ZFAND4: variants seen among roughly 807,000 people sequenced by gnomAD.
ZFAND4 encodes the protein zinc finger AN1-type containing 4.
ZFAND4 carries 43 observed loss-of-function variants against 64.4 expected under a neutral mutation model. The observed-to-expected ratio is 0.67, with a 90% CI of 0.52 to 0.86. ZFAND4 has a LOEUF of 0.86. Ranked by LOEUF, ZFAND4 falls within the 40% of genes least tolerant of loss-of-function variation. The pLI, the probability that ZFAND4 is intolerant of heterozygous loss-of-function variation, is 0.00. For missense variants in ZFAND4, 929 were observed against 859.8 expected (o/e 1.08, Z -1.01); for synonymous variants, 296 against 305.7 (o/e 0.97, Z 0.33).
intron 5 of ZFAND4, among the ~76,000 whole-genome samples, chr10:45,643,094 A>T (rs988847284): frequency 1.3e-5 from 2 of 149,352 alleles, no homozygotes; most frequent in African/African-American, 4.9e-5. Flanking sequence ...CTAATTTTGC[A>T]TTTTTAGTAG....
intron 8 of ZFAND4, among the ~76,000 whole-genome samples, chr10:45,621,839 T>TA (rs925418464): frequency 5.9e-5 from 9 of 152,002 alleles, no homozygotes; most frequent in African/African-American, 1.2e-4. Context: ...GAATTTTTTT[T>TA]AAAAAAAACT....
chr10:45,625,245 G>T (rs1178983327), intron 7 of ZFAND4, among the ~76,000 whole-genome samples: 1 of 151,182 alleles, frequency 6.6e-6, no homozygotes, highest in Non-Finnish European at 1.5e-5. Context: ...GGCCCAGGCG[G>T]GTGGATCACG....
intron 6 of ZFAND4, among the ~76,000 whole-genome samples, chr10:45,633,688 C>T (rs1649055542): frequency 6.6e-6 from 1 of 150,692 alleles, no homozygotes; most frequent in African/African-American, 2.4e-5. Flanking sequence ...TACAAATTAA[C>T]ATTATGTGCC....
At chr10:45,640,188 G>T in intron 5 of ZFAND4, 1 of 1,251,546 alleles carries the variant, frequency 8.0e-7, no homozygotes, top group Non-Finnish European at 1.0e-6. Context: ...ATCTAGTATA[G>T]CTGAGCTTCT....
chr10:45,630,874 G>C (rs1408967130), intron 6 of ZFAND4, among the ~76,000 whole-genome samples: 1 of 151,604 alleles, frequency 6.6e-6, no homozygotes, highest in Middle Eastern at 3.2e-3. Flanking sequence ...GCTGAGGCAG[G>C]AAGGTCACTT....
At chr10:45,643,030 CCTGCCTCAGCCTCCCTAGTAG>C (rs2133726777) in intron 5 of ZFAND4, among the ~76,000 whole-genome samples, 1 of 149,818 alleles carries the variant, frequency 6.7e-6, no homozygotes, top group Admixed American at 6.7e-5. Flanking sequence ...CGCCCTTTCT[CCTGCCTCAGCCTCCCTAGTAG>C]CTGGGATTAC....
intron 2 of ZFAND4, among the ~76,000 whole-genome samples, chr10:45,656,811 A>G (rs1356796360): frequency 6.6e-6 from 1 of 152,084 alleles, no homozygotes; most frequent in Non-Finnish European, 1.5e-5. Context: ...TAGTGTCCTT[A>G]GAAGAGAGAT....
chr10:45,631,425 T>C (rs765126433), intron 6 of ZFAND4, among the ~76,000 whole-genome samples: 5 of 150,482 alleles, frequency 3.3e-5, no homozygotes, highest in Admixed American at 6.6e-5. Context: ...AAGACTTGAA[T>C]CTTTATGTTA....
intron 6 of ZFAND4, among the ~76,000 whole-genome samples, chr10:45,635,880 T>A (rs901235543): frequency 6.6e-6 from 1 of 152,202 alleles, no homozygotes; most frequent in Non-Finnish European, 1.5e-5. Flanking sequence ...TTATGACATA[T>A]GTATTTTACC....
chr10:45,631,926 G>A (rs2046250609), intron 6 of ZFAND4, among the ~76,000 whole-genome samples: 1 of 152,162 alleles, frequency 6.6e-6, no homozygotes, highest in African/African-American at 2.4e-5. Flanking sequence ...AAAATGTTAA[G>A]TCTAAAGAAA....
intron 2 of ZFAND4, among the ~76,000 whole-genome samples, chr10:45,658,463 T>C (rs956149585): frequency 5.3e-5 from 8 of 152,246 alleles, no homozygotes; most frequent in African/African-American, 1.9e-4. Flanking sequence ...CAGTTTGTGA[T>C]ACTTTGCTAT....
At chr10:45,654,103 G>C (rs764331996) in intron 2 of ZFAND4, among the ~76,000 whole-genome samples, 1 of 152,146 alleles carries the variant, frequency 6.6e-6, no homozygotes, top group Non-Finnish European at 1.5e-5. Context: ...TCACTTATAA[G>C]CAGGAGCTAA....
chr10:45,665,449 G>C (rs922039707), intron 1 of ZFAND4, among the ~76,000 whole-genome samples: 1 of 152,102 alleles, frequency 6.6e-6, no homozygotes, highest in African/African-American at 2.4e-5. Context: ...GCTGAGGCAG[G>C]AGAACCGCTT....
At position 45,627,653 on chromosome 10, in the gene ZFAND4, C is replaced by T. The variant is rs78737694; in HGVS notation, c.718-548G>A. On this transcript the variant is annotated intron_variant, in intron 6 of 9. Transcript: ENST00000344646. ...GTCGTTCATTGTGCCAAACTATTTA[C>T]GCAATAATACAGTTCATGATGAACA... 3.8e-3 allele frequency among the ~76,000 whole-genome samples: 576 copies of T among 152,162 alleles called. 12 individuals are homozygous for T. The East Asian group carries it at 0.052, about 14-fold the overall frequency.
intron 6 of ZFAND4, 45 bp from the exon 7 acceptor site, chr10:45,627,150 T>G: frequency 6.8e-7 from 1 of 1,467,230 alleles, no homozygotes; most frequent in Non-Finnish European, 9.1e-7. Flanking sequence ...TCGTTTTCTC[T>G]GCCCATTAAC....
In ZFAND4 at chr10:45,631,893, A is replaced by AT. The variant is rs1304410688; in HGVS notation, c.718-4789dup. ...AGAAGAAAAACCTACAATTAATATCATACATAATGGTAAAAACAAATAAAA... is the reference window on the plus strand; with the variant it reads ...AGAAGAAAAACCTACAATTAATATCATTACATAATGGTAAAAACAAATAAAA... On this transcript the variant is annotated intron_variant, in intron 6 of 9. Coordinates refer to ENST00000344646, the MANE Select transcript of ZFAND4 (RefSeq NM_174890.4). 7.4e-5 allele frequency among the ~76,000 whole-genome samples: 10 copies of AT among 134,916 alleles called. No homozygotes were observed. The East Asian group carries it at 1.9e-3, about 26-fold the overall frequency. The allele number at this position is 134,916 out of a possible 152,430, so 88.5% of individuals were successfully genotyped here.
At chr10:45,655,882 A>G (rs1564621203) in intron 2 of ZFAND4, among the ~76,000 whole-genome samples, 2 of 152,172 alleles carry the variant, frequency 1.3e-5, no homozygotes, top group Non-Finnish European at 2.9e-5. Flanking sequence ...AATTGCAAAC[A>G]ACAAAAAAAG....
intron 7 of ZFAND4, among the ~76,000 whole-genome samples, chr10:45,625,703 A>C (rs2045765737): frequency 6.6e-6 from 1 of 152,156 alleles, no homozygotes; most frequent in African/African-American, 2.4e-5. Flanking sequence ...AGTACAACAT[A>C]TACATACATA....
chr10:45,661,176 G>A (rs1257635032), intron 2 of ZFAND4, among the ~76,000 whole-genome samples: 1 of 152,116 alleles, frequency 6.6e-6, no homozygotes, highest in African/African-American at 2.4e-5. Flanking sequence ...ATTTAATCCT[G>A]AGAACAACCC....
Sources: gnomAD v4.1 joint callset for allele counts (sites outside exome capture counted in the v4.1 genomes callset) on GRCh38, gnomAD v4.1.1 for gene constraint, MANE v1.5 for transcripts, NCBI Gene and HGNC (gene_info 2026-07-23, HGNC 2026-07-21) for gene names.